CCDC171: variants seen among roughly 807,000 people sequenced by gnomAD.
The protein encoded by CCDC171 is coiled-coil domain-containing protein 171.
In CCDC171, 177 loss-of-function variants were observed where a neutral mutation model predicts 168.2. The observed-to-expected ratio is 1.05, with a 90% CI of 0.93 to 1.19. The LOEUF is 1.19. CCDC171 is among the 50% of genes most tolerant of loss of function. The pLI is 0.00. For missense variants in CCDC171, 1,991 were observed against 1,539.0 expected (o/e 1.29, Z -4.91); for synonymous variants, 687 against 540.8 (o/e 1.27, Z -3.75).
intron 10 of CCDC171, among the ~76,000 whole-genome samples, chr9:15,688,807 A>G (rs1039380614): frequency 3.3e-5 from 5 of 152,212 alleles, no homozygotes; most frequent in Non-Finnish European, 7.3e-5. Context: ...ACAAGGATGT[A>G]CACTCTCACC....
intron 6 of CCDC171, among the ~76,000 whole-genome samples, chr9:16,032,425 C>G (rs1833378773): frequency 6.6e-6 from 1 of 152,090 alleles, no homozygotes; most frequent in Non-Finnish European, 1.5e-5. Context: ...AGAAGGGTCA[C>G]TGGCCATGCA....
chr9:15,922,397 A>G (rs1441683661), intron 25 of CCDC171, among the ~76,000 whole-genome samples: 1 of 151,630 alleles, frequency 6.6e-6, no homozygotes, highest in Non-Finnish European at 1.5e-5. Context: ...AGAAAAACAA[A>G]CCTTTGTCTT....
At chr9:15,692,902 C>T (rs1765490865) in intron 10 of CCDC171, among the ~76,000 whole-genome samples, 3 of 151,674 alleles carry the variant, frequency 2.0e-5, no homozygotes, top group African/African-American at 4.8e-5. Flanking sequence ...TTTGGGAGGC[C>T]GAGACGGGTG....
At chr9:15,815,704 T>C (rs1351407516) in intron 21 of CCDC171, among the ~76,000 whole-genome samples, 1 of 117,086 alleles carries the variant, frequency 8.5e-6, no homozygotes, top group Non-Finnish European at 1.9e-5. Context: ...CTTTAAAAAA[T>C]GTAAAGATCT....
upstream of CCDC171, among the ~76,000 whole-genome samples, chr9:16,039,447 G>A (rs895111932): frequency 5.3e-5 from 8 of 152,186 alleles, no homozygotes; most frequent in Non-Finnish European, 7.3e-5. Flanking sequence ...AGTCACATGC[G>A]TTAGTTAGAA....
At chr9:16,079,493 C>T in the CCDC171 span, among the ~76,000 whole-genome samples, 6 of 152,276 alleles carry the variant, frequency 3.9e-5, no homozygotes, top group South Asian at 1.0e-3. Context: ...TCAGGTGATG[C>T]TTCTGTAAAT....
At chr9:15,936,471 G>A (rs919432379) in intron 25 of CCDC171, among the ~76,000 whole-genome samples, 2 of 152,056 alleles carry the variant, frequency 1.3e-5, no homozygotes, top group African/African-American at 4.8e-5. Context: ...TCTTGGCAGA[G>A]ACCCTTCATC....
chr9:15,877,862 C>T (rs1009385695), intron 24 of CCDC171, among the ~76,000 whole-genome samples: 2 of 152,048 alleles, frequency 1.3e-5, no homozygotes, highest in African/African-American at 4.8e-5. Context: ...TAATAACTGG[C>T]AAATATTAGT....
At chr9:15,824,034 AT>A (rs1450359095) in intron 21 of CCDC171, among the ~76,000 whole-genome samples, 1 of 152,134 alleles carries the variant, frequency 6.6e-6, no homozygotes, top group Non-Finnish European at 1.5e-5. Context: ...AGTTAGTCAT[AT>A]TCTGAATTAA....
chr9:15,846,886 C>T lies in CCDC171; in HGVS notation c.3413+39C>T, dbSNP rs1461973083. On this transcript the variant is annotated intron_variant, in intron 22 of 25. Transcript: ENST00000380701. ...CCTTGGGGAGATCACTTAAAACAGA[C>T]AAAAGATCAATTCTTACTTTCATGC... The T allele has an allele frequency of 3.2e-6, 5 of 1,551,258 alleles. No individual in the cohort carries two copies. In the African/African-American group the frequency reaches 4.1e-5, roughly 13 times the overall value.
At chr9:16,086,884 C>T in the CCDC171 span, among the ~76,000 whole-genome samples, 1 of 152,140 alleles carries the variant, frequency 6.6e-6, no homozygotes, top group East Asian at 1.9e-4. Context: ...ATAAATTTCC[C>T]TCTAAACACT....
At chr9:15,747,375 C>T (rs1010200736) in intron 18 of CCDC171, among the ~76,000 whole-genome samples, 3 of 152,196 alleles carry the variant, frequency 2.0e-5, no homozygotes, top group Non-Finnish European at 2.9e-5. Flanking sequence ...AGCAGTGGTT[C>T]TCCCAGCATG....
chr9:15,795,139 C>T (rs945384119), intron 21 of CCDC171, among the ~76,000 whole-genome samples: 2 of 152,180 alleles, frequency 1.3e-5, no homozygotes, highest in Non-Finnish European at 2.9e-5. Flanking sequence ...TGGTGAGGAC[C>T]TTCTTTATGT....
At chr9:15,946,165 A>G (rs1016640540) in intron 25 of CCDC171, among the ~76,000 whole-genome samples, 3 of 151,878 alleles carry the variant, frequency 2.0e-5, no homozygotes, top group African/African-American at 7.2e-5. Flanking sequence ...TGTTTTTCTC[A>G]GGTTTGTCAA....
intron 24 of CCDC171, chr9:15,875,502 A>G (rs1335402993): frequency 1.3e-5 from 2 of 152,132 alleles, no homozygotes; most frequent in Admixed American, 1.3e-4. Flanking sequence ...TATGTAAATT[A>G]TAGGAAGCAT....
At chr9:15,632,509 A>G (rs1252225749) in intron 7 of CCDC171, among the ~76,000 whole-genome samples, 2 of 152,202 alleles carry the variant, frequency 1.3e-5, no homozygotes, top group African/African-American at 2.4e-5. Flanking sequence ...CCACTGCTCA[A>G]CAAAATAAAA....
chr9:15,635,750 A>G (rs1163475010), intron 7 of CCDC171, among the ~76,000 whole-genome samples: 2 of 152,188 alleles, frequency 1.3e-5, no homozygotes, highest in Non-Finnish European at 2.9e-5. Context: ...GCCACCATGA[A>G]CATTCGTGTA....
At chr9:15,627,082 A>T (rs1001602050) in intron 7 of CCDC171, among the ~76,000 whole-genome samples, 1 of 152,178 alleles carries the variant, frequency 6.6e-6, no homozygotes, top group Non-Finnish European at 1.5e-5. Context: ...CATTTCTTCT[A>T]GATTTTCTAG....
At chr9:15,711,299 T>A (rs2052645749) in intron 11 of CCDC171, among the ~76,000 whole-genome samples, 1 of 152,216 alleles carries the variant, frequency 6.6e-6, no homozygotes, top group African/African-American at 2.4e-5. Flanking sequence ...TGTATATTTT[T>A]AAAAATTCAC....
Sources: allele counts gnomAD v4.1 joint callset (sites outside exome capture counted in the v4.1 genomes callset), GRCh38; gene constraint gnomAD v4.1.1; transcripts MANE v1.5; gene names NCBI Gene and HGNC (gene_info 2026-07-23, HGNC 2026-07-21).